Variants in NXNL2 observed in about 807,000 individuals in gnomAD.
NXNL2 encodes the protein nucleoredoxin-like protein 2.
In NXNL2, 7 loss-of-function variants were observed where a neutral mutation model predicts 11.1. That is an observed-to-expected ratio of 0.63 (90% CI 0.36 to 1.18). The LOEUF (loss-of-function observed/expected upper bound fraction) is 1.18, where lower values mean the gene tolerates loss of function less well. NXNL2 is among the 50% of genes most tolerant of loss of function. The pLI is 0.02. For missense variants in NXNL2, 233 were observed against 217.7 expected, an observed-to-expected ratio of 1.07 and a Z score of -0.44; for synonymous variants, 109 against 101.8, an observed-to-expected ratio of 1.07 and a Z score of -0.42.
downstream of NXNL2, among the ~76,000 whole-genome samples, chr9:88,547,291 C>T (rs28391198): frequency 0.02 from 3,001 of 152,346 alleles, 97 homozygotes; most frequent in African/African-American, 0.068. Flanking sequence ...GGGGGCCCTC[C>T]CCTCTCCCAG....
Position 88,535,468 on chromosome 9 carries a change from A to G in NXNL2, c.34A>G (p.Thr12Ala). The change falls in exon 1 of 2, where the codon ACC becomes GCC. Residue 12 changes from threonine to alanine, a missense_variant. Physicochemically the swap from Thr to Ala is moderately conservative, Grantham distance 58 (BLOSUM62 0). Transcript: ENST00000375854. ...VDILGERHLV[T>A]CKGATVEAEA... ...CATTCTGGGCGAGCGGCACCTGGTGACCTGTAAGGGCGCGACGGTGGAGGC... is the reference window on the plus strand; with the variant it reads ...CATTCTGGGCGAGCGGCACCTGGTGGCCTGTAAGGGCGCGACGGTGGAGGC... 6.2e-7 allele frequency: 1 copy of G among 1,606,978 alleles called. No individual in the cohort carries two copies. Among genetic ancestry groups the G allele is most frequent in the African/African-American group, 1.3e-5 (1 of 74,760 alleles).
intron 1 of NXNL2, among the ~76,000 whole-genome samples, chr9:88,582,319 A>C (rs1830416973): frequency 6.6e-6 from 1 of 152,070 alleles, no homozygotes; most frequent in Non-Finnish European, 1.5e-5. Context: ...AATACAAAAA[A>C]TTAGCTGGGC....
At chr9:88,545,576 C>A (rs1461104855), downstream of NXNL2, among the ~76,000 whole-genome samples, 3 of 152,094 alleles carry the variant, frequency 2.0e-5, no homozygotes, top group African/African-American at 7.2e-5. Context: ...TTAGTCCCTT[C>A]AATCTCCCTC....
chr9:88,536,877 A>G (rs1829632945), intron 1 of NXNL2, among the ~76,000 whole-genome samples: 1 of 152,184 alleles, frequency 6.6e-6, no homozygotes, highest in Non-Finnish European at 1.5e-5. Flanking sequence ...TTGATAATGA[A>G]TCTCCAAGAT....
chr9:88,579,573 G>C (rs1214511866), downstream of NXNL2, among the ~76,000 whole-genome samples: 3 of 152,220 alleles, frequency 2.0e-5, no homozygotes, highest in African/African-American at 7.2e-5. Context: ...ACTTCCTGCT[G>C]TCACATGCCC....
chr9:88,563,773 C>T (rs1012170784), intron 1 of NXNL2, among the ~76,000 whole-genome samples: 1 of 152,092 alleles, frequency 6.6e-6, no homozygotes, highest in African/African-American at 2.4e-5. Context: ...GGCGTTCTCT[C>T]GGGAGCATCC....
intron 1 of NXNL2, among the ~76,000 whole-genome samples, chr9:88,558,908 C>A (rs1376676733): frequency 6.6e-6 from 1 of 152,054 alleles, no homozygotes; most frequent in Non-Finnish European, 1.5e-5. Flanking sequence ...TGGAGATAGT[C>A]CCCTCTGATC....
chr9:88,574,033 T>C (rs942545932), intron 2 of NXNL2, among the ~76,000 whole-genome samples: 1 of 152,214 alleles, frequency 6.6e-6, no homozygotes, highest in African/African-American at 2.4e-5. Flanking sequence ...GATTGTAACA[T>C]GGTGCAGCCT....
intron 1 of NXNL2, among the ~76,000 whole-genome samples, chr9:88,543,173 C>A (rs1829793814): frequency 6.6e-6 from 1 of 152,044 alleles, no homozygotes; most frequent in South Asian, 2.1e-4. Context: ...GGCTAAGAAA[C>A]CTCTCATCAT....
chr9:88,535,403 C>T lies in NXNL2; in HGVS notation c.-32C>T. ...CAGGTGATCATCCTCCTGCAGGTGT[C>T]CTCGGGTCTCAGGTGGCTGCGTGTC... On this transcript the variant is annotated 5_prime_UTR_variant, in exon 1 of 2. Transcript: ENST00000375854. 6.5e-7 allele frequency: 1 copy of T among 1,550,212 alleles called. No homozygotes were observed. Among genetic ancestry groups the T allele is most frequent in the Non-Finnish European group, 8.7e-7 (1 of 1,154,698 alleles).
At chr9:88,549,310 C>T (rs554363989), downstream of NXNL2, among the ~76,000 whole-genome samples, 13 of 152,272 alleles carry the variant, frequency 8.5e-5, no homozygotes, top group South Asian at 8.3e-4. Context: ...GAATGATCCC[C>T]GGGCTGCTCC....
chr9:88,578,466 T>G (rs1195955463), downstream of NXNL2, among the ~76,000 whole-genome samples: 1 of 152,254 alleles, frequency 6.6e-6, no homozygotes, highest in Non-Finnish European at 1.5e-5. Flanking sequence ...GTAATAAAAT[T>G]TATTTGGTAA....
chr9:88,572,362 T>G (rs1330220354), intron 2 of NXNL2, among the ~76,000 whole-genome samples: 1 of 152,018 alleles, frequency 6.6e-6, no homozygotes, highest in Admixed American at 6.5e-5. Flanking sequence ...TTCTTCGGCC[T>G]CCCACCTATA....
At chr9:88,554,106 G>A (rs979568876) in intron 1 of NXNL2, among the ~76,000 whole-genome samples, 1 of 152,196 alleles carries the variant, frequency 6.6e-6, no homozygotes, top group Admixed American at 6.5e-5. Context: ...TGGAGTCAGG[G>A]CCTCAGGCAG....
intron 1 of NXNL2, among the ~76,000 whole-genome samples, chr9:88,536,164 G>A (rs1829614756): frequency 6.6e-6 from 1 of 152,184 alleles, no homozygotes; most frequent in Non-Finnish European, 1.5e-5. Flanking sequence ...GAAGCACAGG[G>A]ACATGACCCG....
At chr9:88,539,445 G>T (rs1032608329) in intron 1 of NXNL2, among the ~76,000 whole-genome samples, 2 of 152,150 alleles carry the variant, frequency 1.3e-5, no homozygotes, top group African/African-American at 4.8e-5. Context: ...TGGGGAAGAG[G>T]TTCCAGGTTC....
At chr9:88,551,811 T>A (rs1249266969) in intron 1 of NXNL2, among the ~76,000 whole-genome samples, 1 of 152,228 alleles carries the variant, frequency 6.6e-6, no homozygotes, top group Admixed American at 6.5e-5. Context: ...GAAAGCATCC[T>A]CTTATCTCCT....
chr9:88,572,474 T>C (rs945374101), intron 2 of NXNL2, among the ~76,000 whole-genome samples: 1 of 152,174 alleles, frequency 6.6e-6, no homozygotes. Context: ...GTGTTAAACA[T>C]GCACAGTACA....
intron 1 of NXNL2, among the ~76,000 whole-genome samples, chr9:88,568,088 T>C (rs917287021): frequency 1.8e-4 from 27 of 152,280 alleles, no homozygotes; most frequent in Admixed American, 1.6e-3. Flanking sequence ...GGCTAGGGGA[T>C]ACCCAGGGGA....
Sources: gnomAD v4.1 joint callset for allele counts (sites outside exome capture counted in the v4.1 genomes callset) on GRCh38, gnomAD v4.1.1 for gene constraint, MANE v1.5 for transcripts, NCBI Gene and HGNC (gene_info 2026-07-23, HGNC 2026-07-21) for gene names.